Variants in CSMD1 observed in about 807,000 individuals in gnomAD.
The protein encoded by CSMD1 is CUB and sushi domain-containing protein 1.
CSMD1 carries 213 observed loss-of-function variants against 417.5 expected under a neutral mutation model. That is an observed-to-expected ratio of 0.51 (90% CI 0.46 to 0.57). CSMD1 has a LOEUF of 0.57. Ranked by LOEUF, CSMD1 falls within the 20% of genes least tolerant of loss-of-function variation. The probability of loss-of-function intolerance (pLI) is 0.00; values close to 1 mark genes in which losing one functional copy is unlikely to be tolerated. For missense variants in CSMD1, 6,923 were observed against 4,529.7 expected, an observed-to-expected ratio of 1.53 and a Z score of -15.17; for synonymous variants, 2,862 against 1,736.8, an observed-to-expected ratio of 1.65 and a Z score of -16.11.
At chr8:4,648,880 A>G (rs1166297238) in intron 1 of CSMD1, among the ~76,000 whole-genome samples, 3 of 152,216 alleles carry the variant, frequency 2.0e-5, no homozygotes, top group Non-Finnish European at 4.4e-5. Flanking sequence ...ACAACGTCAC[A>G]AAGGATAAGA....
chr8:4,733,644 T>G (rs865942555), intron 1 of CSMD1, among the ~76,000 whole-genome samples: 1 of 152,228 alleles, frequency 6.6e-6, no homozygotes, highest in African/African-American at 2.4e-5. Flanking sequence ...TACACTGCAT[T>G]TTTAACACAT....
At chr8:3,239,946 C>T (rs1799390860) in intron 26 of CSMD1, among the ~76,000 whole-genome samples, 1 of 151,634 alleles carries the variant, frequency 6.6e-6, no homozygotes, top group African/African-American at 2.4e-5. Context: ...AGAGTGAATA[C>T]AGCTGAAGGA....
intron 1 of CSMD1, among the ~76,000 whole-genome samples, chr8:4,890,209 G>C (rs763594208): frequency 7.2e-5 from 11 of 152,104 alleles, no homozygotes; most frequent in Non-Finnish European, 1.3e-4. Flanking sequence ...AAACACACTT[G>C]ATCTTGGCTC....
Position 4,678,701 on chromosome 8 carries a change from T to A in CSMD1, c.86-41143A>T, listed in dbSNP as rs553204763. On this transcript the variant is annotated intron_variant, in intron 1 of 69. Coordinates refer to ENST00000635120, the MANE Select transcript of CSMD1 (RefSeq NM_033225.6). ...AGAAGGCATCCAAATAAGATAAAAA[T>A]GTCTTCAAGGACCCTGTTGTTAAAC... is the stretch of plus-strand genomic sequence containing the variant. 2.6e-5 allele frequency among the ~76,000 whole-genome samples: 4 copies of A among 152,274 alleles called. No homozygotes were observed. In the East Asian group the frequency reaches 7.7e-4, roughly 29 times the overall value.
intron 12 of CSMD1, among the ~76,000 whole-genome samples, chr8:3,466,234 C>G (rs981534421): frequency 6.6e-6 from 1 of 151,152 alleles, no homozygotes; most frequent in Non-Finnish European, 1.5e-5. Flanking sequence ...GTCTGATACA[C>G]AAAGGGTTTA....
At position 4,312,443 on chromosome 8, in the gene CSMD1, A is replaced by G. The variant is rs972357047; in HGVS notation, c.415+107510T>C. ...TATGCGCGTATATATATATGCGTAT[A>G]TATATACGTATATATATGCGCGTAT... On this transcript the variant is annotated intron_variant, in intron 3 of 69. Coordinates refer to ENST00000635120, the MANE Select transcript of CSMD1 (RefSeq NM_033225.6). 8.6e-5 allele frequency among the ~76,000 whole-genome samples: 12 copies of G among 139,758 alleles called. 1 individual carries two copies. Among genetic ancestry groups the G allele is most frequent in the Admixed American group, 1.4e-4 (2 of 14,502 alleles). The allele number at this position is 139,758 out of a possible 152,430, so 91.7% of individuals were successfully genotyped here.
chr8:3,373,045 T>C (rs957911223), intron 18 of CSMD1, among the ~76,000 whole-genome samples: 1 of 152,236 alleles, frequency 6.6e-6, no homozygotes, highest in Non-Finnish European at 1.5e-5. Context: ...ATAATGAATG[T>C]AAAACATTTT....
chr8:3,724,060 G>C (rs1266101617), intron 6 of CSMD1, among the ~76,000 whole-genome samples: 1 of 54,192 alleles, frequency 1.8e-5, no homozygotes, highest in East Asian at 3.6e-4. Context: ...CACAGATTTT[G>C]TTCATTGACT....
intron 1 of CSMD1, among the ~76,000 whole-genome samples, chr8:4,958,062 G>C (rs1010196406): frequency 6.6e-6 from 1 of 152,160 alleles, no homozygotes; most frequent in Non-Finnish European, 1.5e-5. Context: ...TGATAAGAGG[G>C]AGCTTCATGT....
intron 1 of CSMD1, among the ~76,000 whole-genome samples, chr8:4,976,839 C>T (rs970767399): frequency 6.6e-6 from 1 of 152,066 alleles, no homozygotes; most frequent in African/African-American, 2.4e-5. Flanking sequence ...TAAGTAAGTG[C>T]CACTTTGGGG....
At chr8:4,462,218 A>G (rs891719255) in intron 2 of CSMD1, among the ~76,000 whole-genome samples, 4 of 152,306 alleles carry the variant, frequency 2.6e-5, no homozygotes, top group African/African-American at 9.6e-5. Flanking sequence ...TAAGCTGAAC[A>G]TGAAATTTAA....
chr8:3,784,233 G>A (rs567810983), intron 5 of CSMD1, among the ~76,000 whole-genome samples: 1 of 152,014 alleles, frequency 6.6e-6, no homozygotes, highest in Non-Finnish European at 1.5e-5. Context: ...TTTTTTAAAA[G>A]GATGTGTAAA....
At chr8:3,147,748 T>C (rs1818928557) in intron 40 of CSMD1, among the ~76,000 whole-genome samples, 1 of 152,212 alleles carries the variant, frequency 6.6e-6, no homozygotes, top group South Asian at 2.1e-4. Flanking sequence ...CTGTTTCTTG[T>C]TGAAATTTCC....
chr8:4,841,304 T>C (rs372281213), intron 1 of CSMD1, among the ~76,000 whole-genome samples: 4 of 152,250 alleles, frequency 2.6e-5, no homozygotes, highest in African/African-American at 9.6e-5. Flanking sequence ...TTTAAACATA[T>C]TGAAAACAAT....
Position 3,091,525 on chromosome 8 carries a change from G to T in CSMD1, c.7276C>A (p.Arg2426Ser), listed in dbSNP as rs1287882214. The change falls in exon 48 of 70, where the codon CGC (arginine) becomes AGC (serine). Residue 2426 changes from arginine (R) to serine (S), a missense_variant. Physicochemically the swap from Arg to Ser is moderately radical, Grantham distance 110. Coordinates refer to ENST00000635120, the MANE Select transcript of CSMD1 (RefSeq NM_033225.6). ...AACCTCATTTACTTACCTGCATAGC[G>T]AATCTTGAATCCTTTCTTACTGGTG... is the stretch of plus-strand genomic sequence containing the variant. ...HATSKKGFKI[R>S]YAAPYCSLTH... 6.3e-7 allele frequency: 1 copy of T among 1,599,910 alleles called. No individual in the cohort carries two copies. Among genetic ancestry groups the T allele is most frequent in the Admixed American group, 1.8e-5 (1 of 55,922 alleles).
intron 5 of CSMD1, among the ~76,000 whole-genome samples, chr8:3,943,615 T>C (rs1004545916): frequency 3.9e-5 from 6 of 152,112 alleles, no homozygotes; most frequent in African/African-American, 1.4e-4. Flanking sequence ...GTAAACCCCA[T>C]GTAACCAAGA....
chr8:2,993,080 A>C (rs1486249653), intron 54 of CSMD1, among the ~76,000 whole-genome samples: 1 of 152,238 alleles, frequency 6.6e-6, no homozygotes, highest in East Asian at 1.9e-4. Flanking sequence ...AGGATTGTCC[A>C]ATATCATGTG....
At chr8:3,567,518 G>A (rs1219408668) in intron 10 of CSMD1, among the ~76,000 whole-genome samples, 6 of 136,404 alleles carry the variant, frequency 4.4e-5, no homozygotes, top group African/African-American at 1.6e-4. Flanking sequence ...AGGGGAGGGG[G>A]AAGGGGATGG....
intron 41 of CSMD1, among the ~76,000 whole-genome samples, chr8:3,129,502 C>CGG: frequency 6.6e-6 from 1 of 151,724 alleles, no homozygotes; most frequent in African/African-American, 2.4e-5. Flanking sequence ...GGGCCGGGTT[C>CGG]AGTGGCTCAT....
Sources: gnomAD v4.1 joint callset for allele counts (sites outside exome capture counted in the v4.1 genomes callset) on GRCh38, gnomAD v4.1.1 for gene constraint, MANE v1.5 for transcripts, NCBI Gene and HGNC (gene_info 2026-07-23, HGNC 2026-07-21) for gene names.